The following NDC1 variants were observed in gnomAD, a reference collection of about 807,000 sequenced individuals.
NDC1 encodes the protein nucleoporin NDC1.
A neutral mutation model predicts 89.8 loss-of-function variants in NDC1; 24 were observed. The observed-to-expected ratio is 0.27, with a 90% CI of 0.19 to 0.38. NDC1 has a LOEUF of 0.38. NDC1 is among the 10% of genes least tolerant of loss of function. The pLI, the probability that NDC1 is intolerant of heterozygous loss-of-function variation, is 1.00. For missense variants in NDC1, 728 were observed against 797.6 expected (o/e 0.91, Z 1.05); for synonymous variants, 296 against 284.8 (o/e 1.04, Z -0.39).
chr1:53,801,245 C>T (rs904289694), intron 10 of NDC1, among the ~76,000 whole-genome samples: 5 of 152,124 alleles, frequency 3.3e-5, no homozygotes, highest in South Asian at 2.1e-4. Context: ...ATGAACACTA[C>T]GATGTCCAGT....
At chr1:53,814,163 C>G (rs1268281736) in intron 6 of NDC1, among the ~76,000 whole-genome samples, 1 of 152,014 alleles carries the variant, frequency 6.6e-6, no homozygotes, top group Non-Finnish European at 1.5e-5. Flanking sequence ...ACCATCCTGG[C>G]CAACACTGTG....
rs1648225108 is a variant in NDC1 at position 53,809,407 on chromosome 1, A to G, written c.755+288T>C. Among the ~76,000 whole-genome samples, 4 of 152,250 alleles carry G rather than the reference A, an allele frequency of 2.6e-5. 2 individuals carry two copies. The South Asian group carries it at 8.3e-4, about 32-fold the overall frequency. On this transcript the variant is annotated intron_variant, in intron 7 of 17. Coordinates refer to ENST00000371429, the MANE Select transcript of NDC1 (RefSeq NM_018087.5). The stretch of plus-strand genomic sequence containing the variant: ...CGCTCTATTGCCTAGGCTGGAGTGC[A>G]GTGGCACAATTATAGCTCACCGCAT...
chr1:53,831,362 A>T (rs959223797), intron 3 of NDC1, among the ~76,000 whole-genome samples: 3 of 149,156 alleles, frequency 2.0e-5, no homozygotes, highest in Non-Finnish European at 4.4e-5. Flanking sequence ...ATGTACATTT[A>T]AAAAATTTTT....
chr1:53,775,570 T>G (rs1383387893), intron 16 of NDC1, among the ~76,000 whole-genome samples: 1 of 152,154 alleles, frequency 6.6e-6, no homozygotes, highest in Non-Finnish European at 1.5e-5. Context: ...CAAAACACTT[T>G]CATTCTTAGG....
intron 16 of NDC1, among the ~76,000 whole-genome samples, chr1:53,775,306 G>T (rs530068684): frequency 2.6e-5 from 4 of 152,158 alleles, no homozygotes; most frequent in African/African-American, 7.2e-5. Flanking sequence ...ACCCAGGCTG[G>T]AGTACAGTAG....
At chr1:53,793,150 G>C (rs1056960098) in intron 14 of NDC1, 79 bp downstream of exon 14, 1 of 1,242,608 alleles carries the variant, frequency 8.0e-7, no homozygotes, top group African/African-American at 1.5e-5. Context: ...ATATTTACAA[G>C]TCAGATCCTA....
chr1:53,816,649 A>AC (rs200102311), intron 6 of NDC1, among the ~76,000 whole-genome samples: 6 of 150,794 alleles, frequency 4.0e-5, no homozygotes, highest in South Asian at 2.1e-4. Flanking sequence ...AAAAAACAAA[A>AC]AAAAAAAAAA....
chr1:53,772,573 C>T, intron 16 of NDC1, 84 bp from the exon 17 acceptor site: 1 of 1,338,784 alleles, frequency 7.5e-7, no homozygotes, highest in Non-Finnish European at 1.0e-6. Context: ...TGTGTAATCC[C>T]AACACTTTGG....
intron 13 of NDC1, among the ~76,000 whole-genome samples, chr1:53,794,032 G>A (rs890429035): frequency 4.6e-5 from 7 of 151,642 alleles, no homozygotes; most frequent in Non-Finnish European, 1.5e-5. Flanking sequence ...CTGGAGTGCA[G>A]TGGCACATTC....
intron 16 of NDC1, among the ~76,000 whole-genome samples, chr1:53,778,917 A>C (rs1156305540): frequency 6.6e-6 from 1 of 152,130 alleles, no homozygotes; most frequent in African/African-American, 2.4e-5. Flanking sequence ...CGAGGCAGGC[A>C]GATCACTTGA....
chr1:53,832,643 G>T, intron 2 of NDC1, 52 bp from the exon 3 acceptor site: 1 of 877,706 alleles, frequency 1.1e-6, no homozygotes, highest in Non-Finnish European at 1.9e-6. Context: ...ATGTAGTCAC[G>T]TTCAGGACAC....
At chr1:53,820,084 G>A (rs1336220504) in intron 5 of NDC1, among the ~76,000 whole-genome samples, 4 of 151,934 alleles carry the variant, frequency 2.6e-5, no homozygotes, top group African/African-American at 9.7e-5. Flanking sequence ...GTGAAACCCC[G>A]TCTCTACTAC....
rs1299470170 is a variant in NDC1 at position 53,825,790 on chromosome 1, G to T, written c.594+8C>A. On this transcript the variant is annotated splice_region_variant and intron_variant, in intron 5 of 17. Transcript: ENST00000371429. ...TTTTGACATCAAGTAATGCTCAAAT[G>T]ATCTTACCTGTATGATGGGAAATGG... The T allele has an allele frequency of 1.3e-6, 2 of 1,578,202 alleles. No individual in the cohort carries two copies. The highest frequency in any genetic ancestry group is 1.2e-5 in the South Asian group (1 of 82,232).
In NDC1 at chr1:53,779,431, A is replaced by G. The variant is rs538188603; in HGVS notation, c.1801-6942T>C. Among the ~76,000 whole-genome samples the G allele has an allele frequency of 2.0e-5, 3 of 152,282 alleles. No individual in the cohort carries two copies. The South Asian group carries it at 6.2e-4, about 32-fold the overall frequency. On this transcript the variant is annotated intron_variant, in intron 16 of 17. Coordinates refer to ENST00000371429, the MANE Select transcript of NDC1 (RefSeq NM_018087.5). ...CCAATTAATGGCATCTTAGATTCAA[A>G]GAAATATAATAAATGTTATTTTCCA...
chr1:53,829,381 T>C (rs993445674), intron 3 of NDC1, among the ~76,000 whole-genome samples: 1 of 152,236 alleles, frequency 6.6e-6, no homozygotes, highest in African/African-American at 2.4e-5. Context: ...TAAGCCTTTT[T>C]ATATGCTATA....
intron 6 of NDC1, 31 bp from the exon 7 acceptor site, chr1:53,809,777 T>TA (rs755876035): frequency 1.0e-5 from 16 of 1,571,724 alleles, no homozygotes; most frequent in Non-Finnish European, 8.7e-6. Flanking sequence ...GCTATGAACA[T>TA]AAAAAGTTAT....
At chr1:53,831,931 T>C (rs1649081763) in intron 3 of NDC1, among the ~76,000 whole-genome samples, 4 of 152,158 alleles carry the variant, frequency 2.6e-5, no homozygotes, top group Admixed American at 2.6e-4. Context: ...AAAAAAAACT[T>C]AGAAATCACC....
chr1:53,800,925 A>G (rs1304475557), intron 10 of NDC1, 77 bp from the exon 11 acceptor site: 5 of 1,387,708 alleles, frequency 3.6e-6, no homozygotes, highest in Non-Finnish European at 4.9e-6. Context: ...AAAAGTCAGT[A>G]AGAAATTCTA....
intron 10 of NDC1, among the ~76,000 whole-genome samples, 188 bp from the exon 11 acceptor site, chr1:53,801,036 T>G (rs754436116): frequency 1.4e-5 from 2 of 147,362 alleles, no homozygotes; most frequent in Non-Finnish European, 3.0e-5. Context: ...TTGGATGAAT[T>G]AAGTTTCCCA....
Sources: allele counts gnomAD v4.1 joint callset (sites outside exome capture counted in the v4.1 genomes callset), GRCh38; gene constraint gnomAD v4.1.1; transcripts MANE v1.5; gene names NCBI Gene and HGNC (gene_info 2026-07-23, HGNC 2026-07-21).